SORCS3: variants seen among roughly 807,000 people sequenced by gnomAD.
The protein encoded by SORCS3 is VPS10 domain-containing receptor SorCS3.
A neutral mutation model predicts 146.3 loss-of-function variants in SORCS3; 57 were observed. That is an observed-to-expected ratio of 0.39 (90% CI 0.31 to 0.49). SORCS3 has a LOEUF of 0.49. Among genes scored for constraint, SORCS3 ranks in the 20% least tolerant of loss-of-function variants. SORCS3 has a pLI of 0.92. For missense variants in SORCS3, 1,341 were observed against 1,575.5 expected (o/e 0.85, Z 2.52); for synonymous variants, 653 against 618.5 (o/e 1.06, Z -0.83).
At chr10:105,010,978 T>C (rs1407766685) in intron 4 of SORCS3, among the ~76,000 whole-genome samples, 2 of 152,146 alleles carry the variant, frequency 1.3e-5, no homozygotes, top group African/African-American at 2.4e-5. Flanking sequence ...GAGGATTTCT[T>C]AGTCTCAGGA....
chr10:105,123,675 T>C (rs932608519), intron 7 of SORCS3, among the ~76,000 whole-genome samples: 16 of 151,998 alleles, frequency 1.1e-4, no homozygotes, highest in African/African-American at 3.6e-4. Context: ...AGCAAACCAA[T>C]AAATAAGAAT....
chr10:104,834,254 C>G (rs2133539614), intron 1 of SORCS3, among the ~76,000 whole-genome samples: 1 of 152,270 alleles, frequency 6.6e-6, no homozygotes, highest in East Asian at 1.9e-4. Flanking sequence ...TGTAAATCCT[C>G]TGGTGGTTTC....
intron 7 of SORCS3, among the ~76,000 whole-genome samples, chr10:105,136,181 C>T (rs973426014): frequency 6.6e-6 from 1 of 152,180 alleles, no homozygotes; most frequent in Non-Finnish European, 1.5e-5. Context: ...TTATTTCTTA[C>T]ATCTGTAGAG....
intron 1 of SORCS3, among the ~76,000 whole-genome samples, chr10:104,771,045 C>A (rs2017243568): frequency 6.6e-6 from 1 of 152,176 alleles, no homozygotes; most frequent in African/African-American, 2.4e-5. Context: ...TTCAGACTGG[C>A]CACAATCCAA....
rs2119781578 is a variant in SORCS3 at position 105,264,116 on chromosome 10, A to G, written c.*742A>G. Reference sequence around the variant, plus strand: ...TCTTGCATCTCCTTGTCCATGCCATAGCTGGTTTCTACTTATGTATATAAA... The same window carrying G: ...TCTTGCATCTCCTTGTCCATGCCATGGCTGGTTTCTACTTATGTATATAAA... On this transcript the variant is annotated 3_prime_UTR_variant, in exon 27 of 27. Transcript: ENST00000369701. 2 of 117,648 alleles carry G rather than the reference A, an allele frequency of 1.7e-5. No homozygotes were observed. Among genetic ancestry groups the G allele is most frequent in the Middle Eastern group, 0.014 (2 of 144 alleles). 7.3% of individuals were successfully genotyped at this position (117,648 alleles called of 1,614,324 possible).
At chr10:105,100,305 G>A (rs1373165900) in intron 6 of SORCS3, among the ~76,000 whole-genome samples, 1 of 152,154 alleles carries the variant, frequency 6.6e-6, no homozygotes, top group Admixed American at 6.5e-5. Flanking sequence ...GATTATTTAG[G>A]AAATCACTCT....
chr10:104,807,196 C>T (rs746873446), intron 1 of SORCS3, among the ~76,000 whole-genome samples: 4 of 151,320 alleles, frequency 2.6e-5, no homozygotes, highest in African/African-American at 9.7e-5. Context: ...TGTGTGTGTG[C>T]GCATGTGTGT....
intron 1 of SORCS3, among the ~76,000 whole-genome samples, chr10:104,726,171 A>G: frequency 6.6e-6 from 1 of 152,134 alleles, no homozygotes. Flanking sequence ...ATCAGAGGCA[A>G]ATTCCCCTTA....
chr10:104,973,727 C>T (rs2054876219), intron 3 of SORCS3, among the ~76,000 whole-genome samples: 2 of 149,020 alleles, frequency 1.3e-5, no homozygotes, highest in African/African-American at 2.6e-5. Context: ...TTATTTCTTG[C>T]CTTCTGCTAG....
rs762327577 is a variant in SORCS3, at chr10:105,137,603, C to A, written c.1213-1794C>A. ...CAGGTGAGGAGCACAGAGGTCTATG[C>A]AAATTGTTGTTAAAAGTCTAGTTAT... On this transcript the variant is annotated intron_variant, in intron 7 of 26. Transcript: ENST00000369701. Among the ~76,000 whole-genome samples the A allele has an allele frequency of 3.1e-4, 47 of 152,054 alleles. 1 individual carries two copies. Among genetic ancestry groups the A allele is most frequent in the Non-Finnish European group, 1.0e-4 (7 of 68,008 alleles).
intron 1 of SORCS3, among the ~76,000 whole-genome samples, chr10:104,643,852 A>G (rs1305995417): frequency 6.6e-6 from 1 of 152,076 alleles, no homozygotes; most frequent in Non-Finnish European, 1.5e-5. Context: ...TGGCTTCCCT[A>G]CTGCCACATT....
chr10:104,851,274 A>G (rs1012882661), intron 2 of SORCS3, among the ~76,000 whole-genome samples: 2 of 152,236 alleles, frequency 1.3e-5, no homozygotes, highest in African/African-American at 4.8e-5. Flanking sequence ...TGCAGCGTGC[A>G]TAAATCTTGA....
intron 3 of SORCS3, among the ~76,000 whole-genome samples, chr10:104,927,102 T>C (rs1184087740): frequency 6.6e-6 from 1 of 152,228 alleles, no homozygotes; most frequent in African/African-American, 2.4e-5. Context: ...GAAGTTTTTA[T>C]GTGTCTGTAT....
chr10:104,712,878 G>T (rs1283334872), intron 1 of SORCS3, among the ~76,000 whole-genome samples: 1 of 150,928 alleles, frequency 6.6e-6, no homozygotes, highest in East Asian at 2.0e-4. Context: ...GTCTTGAGGG[G>T]TTTGCTTTCC....
intron 1 of SORCS3, among the ~76,000 whole-genome samples, chr10:104,826,537 G>A (rs2017937482): frequency 6.6e-6 from 1 of 152,152 alleles, no homozygotes; most frequent in African/African-American, 2.4e-5. Flanking sequence ...GTAGCATCAT[G>A]TCTAAAAAAA....
intron 2 of SORCS3, among the ~76,000 whole-genome samples, chr10:104,911,915 C>T (rs1486241305): frequency 6.6e-6 from 1 of 152,212 alleles, no homozygotes; most frequent in Admixed American, 6.5e-5. Context: ...AATATCTGAT[C>T]ACCCTGGCCT....
At chr10:105,204,054 A>G (rs74346337) in intron 16 of SORCS3, among the ~76,000 whole-genome samples, 1,764 of 152,232 alleles carry the variant, frequency 0.012, 40 homozygotes, top group African/African-American at 0.038. Flanking sequence ...GTCAGAATCC[A>G]TCTATAAGTA....
At chr10:104,860,450 A>G (rs1170543880) in intron 2 of SORCS3, among the ~76,000 whole-genome samples, 1 of 145,424 alleles carries the variant, frequency 6.9e-6, no homozygotes, top group Non-Finnish European at 1.5e-5. Flanking sequence ...GGGTAGCATT[A>G]GGAGATATAC....
chr10:104,746,645 C>T (rs2016915227), intron 1 of SORCS3, among the ~76,000 whole-genome samples: 1 of 152,178 alleles, frequency 6.6e-6, no homozygotes, highest in South Asian at 2.1e-4. Context: ...ACCCTTTGAT[C>T]ACCATCTCTC....
Sources: allele counts gnomAD v4.1 joint callset (sites outside exome capture counted in the v4.1 genomes callset), GRCh38; gene constraint gnomAD v4.1.1; transcripts MANE v1.5; gene names NCBI Gene and HGNC (gene_info 2026-07-23, HGNC 2026-07-21).